PBRM1: variants seen among roughly 807,000 people sequenced by gnomAD.
The protein encoded by PBRM1 is polybromo 1.
A neutral mutation model predicts 194.5 loss-of-function variants in PBRM1; 27 were observed. The observed-to-expected ratio is 0.14, with a 90% CI of 0.10 to 0.19. PBRM1 has a LOEUF of 0.19. Among genes scored for constraint, PBRM1 ranks in the 10% least tolerant of loss-of-function variants. The probability of loss-of-function intolerance (pLI) is 1.00; values close to 1 mark genes in which losing one functional copy is unlikely to be tolerated. For synonymous variants in PBRM1, 655 were observed against 693.2 expected (o/e 0.94, Z 0.87); for missense variants, 1,466 against 2,077.2 (o/e 0.71, Z 5.72).
At chr3:52,587,570 CTTTTTTTT>C in intron 18 of PBRM1, 60 bp from the exon 21 acceptor site, 1 of 731,654 alleles carries the variant, frequency 1.4e-6, no homozygotes, top group Non-Finnish European at 2.0e-6. Context: ...ACAGAAATCA[CTTTTTTTT>C]TTTTTTTTTT....
At chr3:52,569,018 G>C (rs1324110362) in intron 22 of PBRM1, among the ~76,000 whole-genome samples, 1 of 151,900 alleles carries the variant, frequency 6.6e-6, no homozygotes, top group East Asian at 1.9e-4. Context: ...CCCCTACTCC[G>C]GGTAGCTGGG....
At chr3:52,658,630 T>C (rs570272639) in intron 4 of PBRM1, among the ~76,000 whole-genome samples, 14 of 151,934 alleles carry the variant, frequency 9.2e-5, no homozygotes, top group Non-Finnish European at 1.0e-4. Context: ...CCTCACCTCA[T>C]GTCTGCCCAC....
chr3:52,575,990 G>C (rs1311793656), intron 22 of PBRM1, among the ~76,000 whole-genome samples: 2 of 152,126 alleles, frequency 1.3e-5, no homozygotes, highest in African/African-American at 4.8e-5. Context: ...TGAGCAGGCA[G>C]AGGATGAATG....
intron 25 of PBRM1, among the ~76,000 whole-genome samples, chr3:52,559,857 A>AAG (rs1553704858): frequency 1.3e-5 from 2 of 151,930 alleles, no homozygotes; most frequent in Admixed American, 1.3e-4. Flanking sequence ...AAAAAAAAAA[A>AAG]AAAAAATCGA....
chr3:52,616,470 G>A (rs992103446), intron 14 of PBRM1, among the ~76,000 whole-genome samples: 3 of 152,146 alleles, frequency 2.0e-5, no homozygotes, highest in African/African-American at 7.2e-5. Flanking sequence ...GAGGCAGGGG[G>A]ATCACGACGT....
chr3:52,584,974 T>C (rs1052757486), intron 20 of PBRM1, among the ~76,000 whole-genome samples: 1 of 152,062 alleles, frequency 6.6e-6, no homozygotes, highest in Admixed American at 6.6e-5. Context: ...TTAAAAAAAA[T>C]CAAGATGGGT....
At chr3:52,597,724 G>A (rs575031217) in intron 17 of PBRM1, among the ~76,000 whole-genome samples, 2 of 151,536 alleles carry the variant, frequency 1.3e-5, no homozygotes, top group South Asian at 4.3e-4. Context: ...CCAGCTACTC[G>A]GGAGAGTCTC....
chr3:52,622,227 A>G (rs2095305368), intron 13 of PBRM1, among the ~76,000 whole-genome samples: 1 of 151,976 alleles, frequency 6.6e-6, no homozygotes. Flanking sequence ...TATCCCAGCT[A>G]CTTAGGAGGC....
intron 13 of PBRM1, among the ~76,000 whole-genome samples, chr3:52,621,526 TTCC>T (rs2095274408): frequency 6.6e-6 from 1 of 152,204 alleles, no homozygotes; most frequent in African/African-American, 2.4e-5. Context: ...TCAATGTCTT[TTCC>T]TCCTCCTTCA....
Position 52,678,682 on chromosome 3 carries a change from A to G in PBRM1, c.139-85T>C, listed in dbSNP as rs1481774053. ...CATAAGAATTATTTTCTACTCTTCA[A>G]TAAAAGGCAAGTAGAGAAGAAAAAT... On this transcript the variant is annotated intron_variant, in intron 1 of 29. Transcript: ENST00000296302. The G allele has an allele frequency of 8.9e-6, 7 of 783,448 alleles. No homozygotes were observed. The African/African-American group carries it at 1.2e-4, about 14-fold the overall frequency. 48.5% of individuals were successfully genotyped at this position (783,448 alleles called of 1,614,324 possible). A position where few individuals can be genotyped will look rare whatever the true frequency, so the allele number is the denominator to read the frequency against.
At chr3:52,594,638 C>G (rs1395730863) in intron 17 of PBRM1, among the ~76,000 whole-genome samples, 1 of 152,124 alleles carries the variant, frequency 6.6e-6, no homozygotes, top group Non-Finnish European at 1.5e-5. Context: ...GTGTTGTTAG[C>G]TGGAAGCAAT....
chr3:52,582,094 T>C (rs2153711519), intron 20 of PBRM1, among the ~76,000 whole-genome samples: 1 of 151,270 alleles, frequency 6.6e-6, no homozygotes, highest in Admixed American at 6.6e-5. Flanking sequence ...AATACAAAAA[T>C]AGCCGGGCAT....
chr3:52,654,442 A>G (rs140509626), intron 5 of PBRM1, among the ~76,000 whole-genome samples: 5 of 152,268 alleles, frequency 3.3e-5, no homozygotes, highest in Admixed American at 1.3e-4. Flanking sequence ...AAGTCATCCA[A>G]TCCCACAAAT....
rs2096390951 is a variant in PBRM1 at position 52,648,453 on chromosome 3, C to T, written c.715-11G>A. On this transcript the variant is annotated splice_polypyrimidine_tract_variant and intron_variant, in intron 6 of 29. Transcript: ENST00000296302. ...TTTGTAGCTTCCATTCTACAATAAA[C>T]AACAAAATATAGCAGTTCCTTTTAA... 1 of 1,446,744 alleles carries T rather than the reference C, an allele frequency of 6.9e-7. No homozygotes were observed. The highest frequency in any genetic ancestry group is 1.2e-5 in the South Asian group (1 of 84,540). The allele number at this position is 1,446,744 out of a possible 1,614,324, so 89.6% of individuals were successfully genotyped here.
At chr3:52,652,924 G>C (rs1175499002) in intron 5 of PBRM1, among the ~76,000 whole-genome samples, 1 of 150,168 alleles carries the variant, frequency 6.7e-6, no homozygotes, top group Non-Finnish European at 1.5e-5. Flanking sequence ...CTTGAGCGCA[G>C]GAGATGGAGG....
intron 15 of PBRM1, among the ~76,000 whole-genome samples, chr3:52,613,345 T>C (rs1251317242): frequency 6.8e-6 from 1 of 147,826 alleles, no homozygotes; most frequent in East Asian, 1.9e-4. Flanking sequence ...CTGTTTTTTT[T>C]TTTTTTGGAG....
intron 20 of PBRM1, among the ~76,000 whole-genome samples, chr3:52,580,682 T>C (rs1172342565): frequency 6.6e-6 from 1 of 152,250 alleles, no homozygotes; most frequent in East Asian, 1.9e-4. Flanking sequence ...TGTTTTTTAA[T>C]AAATTACAGC....
chr3:52,595,676 G>A (rs1241330414), intron 17 of PBRM1, among the ~76,000 whole-genome samples: 1 of 152,104 alleles, frequency 6.6e-6, no homozygotes, highest in African/African-American at 2.4e-5. Context: ...TTAACTTGAT[G>A]TAATCCCATT....
intron 15 of PBRM1, among the ~76,000 whole-genome samples, chr3:52,611,087 T>C (rs1171758634): frequency 6.6e-6 from 1 of 152,100 alleles, no homozygotes; most frequent in Non-Finnish European, 1.5e-5. Context: ...GGGTAAATAT[T>C]GAAGGATGTT....
Sources: gnomAD v4.1 joint callset for allele counts (sites outside exome capture counted in the v4.1 genomes callset) on GRCh38, gnomAD v4.1.1 for gene constraint, MANE v1.5 for transcripts, NCBI Gene and HGNC (gene_info 2026-07-23, HGNC 2026-07-21) for gene names.